RXFP2: variants seen among roughly 807,000 people sequenced by gnomAD.
RXFP2 encodes the protein relaxin family peptide receptor 2.
Under a neutral mutation model 88.6 loss-of-function variants are expected in RXFP2, and 68 were observed. The observed-to-expected ratio is 0.77, with a 90% confidence interval of 0.63 to 0.94. The LOEUF (loss-of-function observed/expected upper bound fraction) is 0.94, where lower values mean the gene tolerates loss of function less well. RXFP2 is among the 40% of genes least tolerant of loss of function. RXFP2 has a pLI of 0.00. For missense variants in RXFP2, 791 were observed against 893.9 expected (o/e 0.88, Z 1.47); for synonymous variants, 329 against 306.8 (o/e 1.07, Z -0.76).
Position 31,797,274 on chromosome 13 carries a change from C to A in RXFP2, c.1860C>A (p.Ala620=). The change falls in exon 17 of 18, where the codon GCC becomes GCA. Residue 620 remains alanine (A), a synonymous_variant. Transcript: ENST00000298386. ...TGTTCTGTTCCATTCAAAAAACCGC[C>A]TTGCAGACCACAGAAGTAAGGAATT... ...ITMFCSIQKT[A]LQTTEVRNCF... is the part of the protein sequence containing the mutation. 7 of 1,614,068 alleles carry A rather than the reference C, an allele frequency of 4.3e-6. No homozygotes were observed. The highest frequency in any genetic ancestry group is 5.1e-6 in the Non-Finnish European group (6 of 1,179,938).
intron 7 of RXFP2, among the ~76,000 whole-genome samples, chr13:31,776,805 C>T (rs2138433188): frequency 6.6e-6 from 1 of 152,206 alleles, no homozygotes; most frequent in Non-Finnish European, 1.5e-5. Flanking sequence ...CCTATTTCCC[C>T]TTACTCTAAT....
At chr13:31,783,983 A>ATTTTTTTTTTTTTTTTTTTTT (rs10686799) in intron 11 of RXFP2, among the ~76,000 whole-genome samples, 11 of 121,570 alleles carry the variant, frequency 9.0e-5, no homozygotes, top group Non-Finnish European at 1.3e-4. Flanking sequence ...TGCCTGGCTA[A>ATTTTTTTTTTTTTTTTTTTTT]TTTTTTTTTT....
chr13:31,802,479 A>G lies in RXFP2; in HGVS notation c.*74A>G. The G allele has an allele frequency of 6.8e-7, 1 of 1,477,878 alleles. No homozygotes were observed. The highest frequency in any genetic ancestry group is 9.4e-7 in the Non-Finnish European group (1 of 1,063,898). 91.5% of individuals were successfully genotyped at this position (1,477,878 alleles called of 1,614,324 possible). ...ACAGCTTTTGGAAGATGACATCTGC[A>G]ATGCTTTTCATCTTTACCAACGGCA... On this transcript the variant is annotated 3_prime_UTR_variant, in exon 18 of 18. Transcript: ENST00000298386.
At chr13:31,778,733 T>C in intron 9 of RXFP2, 150 bp downstream of exon 9, 1 of 749,886 alleles carries the variant, frequency 1.3e-6, no homozygotes, top group East Asian at 2.5e-5. Flanking sequence ...CAAAATTATT[T>C]GAGGGTTCCC....
intron 1 of RXFP2, among the ~76,000 whole-genome samples, chr13:31,741,562 A>G (rs532022055): frequency 6.6e-6 from 1 of 152,280 alleles, no homozygotes; most frequent in Admixed American, 6.5e-5. Context: ...AATTTAAATA[A>G]TATTTGTGAT....
Position 31,782,726 on chromosome 13 carries a change from C to T in RXFP2, c.908C>T (p.Ser303Leu). 1 of 1,606,456 alleles carries T rather than the reference C, an allele frequency of 6.2e-7. No homozygotes were observed. Among genetic ancestry groups the T allele is most frequent in the African/African-American group, 1.3e-5 (1 of 74,862 alleles). Residue 303 changes from serine to leucine, a missense_variant, in exon 11 of 18, where the codon TCA becomes TTA. Ser to Leu is a moderately radical substitution (Grantham distance 145). Transcript: ENST00000298386. Reference sequence around the variant, plus strand: ...TTTGTTCCAGAGAAGACATTTTCTTCATTAAAAAATTTAGGAGAACTGTAA... The same window carrying T: ...TTTGTTCCAGAGAAGACATTTTCTTTATTAAAAAATTTAGGAGAACTGTAA... ...IGFVPEKTFS[S>L]LKNLGELDLS...
rs142993498 is a variant in RXFP2 at position 31,764,430 on chromosome 13, T to C, written c.320-607T>C. ...CTTTCTTCTGAATGCTTCAGATAGA[T>C]AGATCTTTGGTTATTTCAGCTTTGC... On this transcript the variant is annotated intron_variant, in intron 3 of 17. Transcript: ENST00000298386. 1.5e-3 allele frequency among the ~76,000 whole-genome samples: 232 copies of C among 152,344 alleles called. 1 individual carries two copies. Among genetic ancestry groups the C allele is most frequent in the African/African-American group, 5.4e-3 (225 of 41,582 alleles).
At chr13:31,797,683 G>T (rs768955935) in intron 17 of RXFP2, among the ~76,000 whole-genome samples, 4 of 152,124 alleles carry the variant, frequency 2.6e-5, no homozygotes, top group Non-Finnish European at 5.9e-5. Context: ...TTCTTCACTA[G>T]GAGTATGCAT....
chr13:31,792,743 C>A lies in RXFP2; in HGVS notation c.1441C>A (p.Gln481Lys). ...CATTTTCGATATAAAATACCGAGGG[C>A]AGTATCAGAAGTATGCCTTGCTGTG... Reference protein sequence around the residue: ...VGIFDIKYRGQYQKYALLWME... With the variant: ...VGIFDIKYRGKYQKYALLWME... Residue 481 changes from glutamine to lysine, a missense_variant, in exon 16 of 18, where the codon CAG becomes AAG. Coordinates refer to ENST00000298386, the MANE Select transcript of RXFP2 (RefSeq NM_130806.5). 1 of 1,614,078 alleles carries A rather than the reference C, an allele frequency of 6.2e-7. No homozygotes were observed. Among genetic ancestry groups the A allele is most frequent in the African/African-American group, 1.3e-5 (1 of 75,004 alleles).
intron 11 of RXFP2, among the ~76,000 whole-genome samples, chr13:31,785,604 AG>A (rs1278621631): frequency 1.3e-5 from 2 of 151,686 alleles, no homozygotes; most frequent in Non-Finnish European, 2.9e-5. Context: ...AAAAGAGCTA[AG>A]TCATAGTTAT....
At chr13:31,757,916 A>AC (rs1872038394) in intron 1 of RXFP2, among the ~76,000 whole-genome samples, 1 of 151,966 alleles carries the variant, frequency 6.6e-6, no homozygotes, top group South Asian at 2.1e-4. Context: ...ACATGGTGAA[A>AC]CCCCGTCTCT....
intron 5 of RXFP2, among the ~76,000 whole-genome samples, chr13:31,773,949 T>C (rs552350404): frequency 2.0e-5 from 3 of 152,290 alleles, no homozygotes; most frequent in South Asian, 2.1e-4. Context: ...TAACTTCCCA[T>C]TGTACAATGA....
intron 11 of RXFP2, among the ~76,000 whole-genome samples, chr13:31,785,172 C>G (rs1401282138): frequency 6.6e-6 from 1 of 152,082 alleles, no homozygotes; most frequent in East Asian, 1.9e-4. Context: ...AAGGTGGGTC[C>G]CGGGGATGTG....
At chr13:31,791,157 C>G (rs1873772534) in intron 14 of RXFP2, among the ~76,000 whole-genome samples, 1 of 152,228 alleles carries the variant, frequency 6.6e-6, no homozygotes, top group Non-Finnish European at 1.5e-5. Flanking sequence ...CTCACCCATT[C>G]CAGCACTTCC....
At chr13:31,784,659 G>A (rs1470222280) in intron 11 of RXFP2, among the ~76,000 whole-genome samples, 1 of 152,076 alleles carries the variant, frequency 6.6e-6, no homozygotes, top group Non-Finnish European at 1.5e-5. Context: ...TCACTTGGCA[G>A]GACTTCAGAC....
At chr13:31,766,156 A>T in intron 5 of RXFP2, 129 bp downstream of exon 5, 1 of 628,326 alleles carries the variant, frequency 1.6e-6, no homozygotes, top group Non-Finnish European at 2.9e-6. Flanking sequence ...TGTAATTAAG[A>T]TTAGAAAATA....
At chr13:31,750,611 A>T (rs1871624501) in intron 1 of RXFP2, among the ~76,000 whole-genome samples, 1 of 152,224 alleles carries the variant, frequency 6.6e-6, no homozygotes, top group Non-Finnish European at 1.5e-5. Flanking sequence ...TTAAGGAGAT[A>T]AAGAGGAAGA....
At chr13:31,753,726 A>G (rs1298556024) in intron 1 of RXFP2, among the ~76,000 whole-genome samples, 1 of 152,230 alleles carries the variant, frequency 6.6e-6, no homozygotes, top group Non-Finnish European at 1.5e-5. Context: ...GGAAGACTAA[A>G]AAATAATTTC....
intron 4 of RXFP2, among the ~76,000 whole-genome samples, chr13:31,765,477 T>C (rs1872513377): frequency 6.6e-6 from 1 of 151,876 alleles, no homozygotes; most frequent in Admixed American, 6.6e-5. Context: ...TTATTCTACG[T>C]TTTTTTTAAC....
Sources: gnomAD v4.1 joint callset for allele counts (sites outside exome capture counted in the v4.1 genomes callset) on GRCh38, gnomAD v4.1.1 for gene constraint, MANE v1.5 for transcripts, NCBI Gene and HGNC (gene_info 2026-07-23, HGNC 2026-07-21) for gene names.